The following EIF4ENIF1 variants were observed in gnomAD, a reference collection of about 807,000 sequenced individuals.
EIF4ENIF1 encodes eukaryotic translation initiation factor 4E transporter.
Under a neutral mutation model 110.5 loss-of-function variants are expected in EIF4ENIF1, and 23 were observed. The observed-to-expected ratio is 0.21, with a 90% confidence interval of 0.15 to 0.29. The LOEUF is 0.29. EIF4ENIF1 is among the 10% of genes least tolerant of loss of function. The probability of loss-of-function intolerance (pLI) is 1.00; values close to 1 mark genes in which losing one functional copy is unlikely to be tolerated. For synonymous variants in EIF4ENIF1, 440 were observed against 437.0 expected (o/e 1.01, Z -0.09); for missense variants, 1,031 against 1,221.1 (o/e 0.84, Z 2.32).
At chr22:31,485,383 G>A (rs2051979254) in intron 2 of EIF4ENIF1, among the ~76,000 whole-genome samples, 1 of 152,128 alleles carries the variant, frequency 6.6e-6, no homozygotes, top group Admixed American at 6.6e-5. Flanking sequence ...CTAAGAAAGA[G>A]AAATATCTCC....
chr22:31,491,546 AGAT>A (rs977904101), upstream of EIF4ENIF1, among the ~76,000 whole-genome samples: 27 of 152,196 alleles, frequency 1.8e-4, no homozygotes, highest in African/African-American at 6.3e-4. Flanking sequence ...AGGGAATTAA[AGAT>A]AACATTAAAA....
At position 31,463,648 on chromosome 22, in the gene EIF4ENIF1, AT is replaced by A. The variant is rs753654315; in HGVS notation, c.585+32del. On this transcript the variant is annotated intron_variant, in intron 5 of 18. Coordinates refer to ENST00000330125, the MANE Select transcript of EIF4ENIF1 (RefSeq NM_019843.4). ...GCAACAAGAGCGAAACTCCGTCTCA[AT>A]TTAAAAAAAAAAAAAAAAAAAAAAG... The A allele has an allele frequency of 8.0e-5, 111 of 1,393,224 alleles. No homozygotes were observed. In the African/African-American group the frequency reaches 1.7e-3, roughly 22 times the overall value. The allele number at this position is 1,393,224 out of a possible 1,614,324, so 86.3% of individuals were successfully genotyped here.
chr22:31,437,534 T>TA (rs2050190499), downstream of EIF4ENIF1, among the ~76,000 whole-genome samples: 1 of 148,348 alleles, frequency 6.7e-6, no homozygotes, highest in Non-Finnish European at 1.5e-5. Context: ...CTTCTGCTGA[T>TA]ACTCTTAGCA....
downstream of EIF4ENIF1, among the ~76,000 whole-genome samples, chr22:31,438,428 G>A (rs1168943648): frequency 6.6e-6 from 1 of 152,080 alleles, no homozygotes; most frequent in East Asian, 1.9e-4. Flanking sequence ...TGAGTCTTAA[G>A]GGAAATTCTT....
Position 31,439,949 on chromosome 22 carries a change from C to T in EIF4ENIF1, c.2889G>A (p.Val963=), listed in dbSNP as rs961903724. 1 of 1,614,182 alleles carries T rather than the reference C, an allele frequency of 6.2e-7. No individual in the cohort carries two copies. The highest frequency in any genetic ancestry group is 8.5e-7 in the Non-Finnish European group (1 of 1,180,034). The change falls in exon 19 of 19, where the codon GTG becomes GTA. Residue 963 remains valine, a synonymous_variant. Coordinates refer to ENST00000330125, the MANE Select transcript of EIF4ENIF1 (RefSeq NM_019843.4). ...GCATGGAGGGCAGGGGTTGCTGTAGCACATCTGAGCCAAACCATTTGGCAA... is the reference window on the plus strand; with the variant it reads ...GCATGGAGGGCAGGGGTTGCTGTAGTACATCTGAGCCAAACCATTTGGCAA... ...VGLAKWFGSD[V]LQQPLPSMPA...
chr22:31,448,799 C>T (rs919991830), intron 12 of EIF4ENIF1, among the ~76,000 whole-genome samples: 6 of 152,134 alleles, frequency 3.9e-5, no homozygotes, highest in Non-Finnish European at 7.3e-5. Context: ...TCAATAGCTT[C>T]ATAGATAACC....
rs1378800029 is a variant in EIF4ENIF1 at position 31,442,049 on chromosome 22, A to C, written c.2276T>G (p.Leu759Arg). The change falls in exon 17 of 19, where the codon CTG (leucine) becomes CGG (arginine). Residue 759 changes from leucine to arginine, a missense_variant. Leu to Arg is a moderately radical substitution (Grantham distance 102). Transcript: ENST00000330125. ...ACACGAAGACCTCTGTAATGCTGAC[A>C]GTTTGGAATTTGTAGTGGGAGAAGA... is the stretch of plus-strand genomic sequence containing the variant. ...RDSSPTTNSKLSALQRSSCST... is the reference protein window; with the variant it reads ...RDSSPTTNSKRSALQRSSCST... 2 of 1,614,052 alleles carry C rather than the reference A, an allele frequency of 1.2e-6. No individual in the cohort carries two copies. Among genetic ancestry groups the C allele is most frequent in the Non-Finnish European group, 1.7e-6 (2 of 1,180,048 alleles).
At chr22:31,481,362 A>G (rs1447892970) in intron 2 of EIF4ENIF1, among the ~76,000 whole-genome samples, 1 of 151,162 alleles carries the variant, frequency 6.6e-6, no homozygotes, top group Non-Finnish European at 1.5e-5. Context: ...GGGTCTCACT[A>G]TATTGCCCAG....
intron 2 of EIF4ENIF1, among the ~76,000 whole-genome samples, chr22:31,486,752 T>C (rs1026220385): frequency 2.0e-5 from 3 of 150,964 alleles, no homozygotes; most frequent in Admixed American, 6.6e-5. Context: ...ACTCTGGTGA[T>C]AGAGCGAGAC....
At chr22:31,455,103 A>C in intron 9 of EIF4ENIF1, 33 bp downstream of exon 9, 1 of 1,551,984 alleles carries the variant, frequency 6.4e-7, no homozygotes, top group Non-Finnish European at 8.7e-7. Context: ...AGACCTTTTC[A>C]GATATCTAAA....
intron 7 of EIF4ENIF1, among the ~76,000 whole-genome samples, chr22:31,457,054 T>C (rs2145960491): frequency 6.6e-6 from 1 of 152,306 alleles, no homozygotes; most frequent in African/African-American, 2.4e-5. Flanking sequence ...ATTATGAAAT[T>C]CAATCTTGAG....
chr22:31,450,908 T>A (rs1268893362), intron 10 of EIF4ENIF1: 1 of 149,742 alleles, frequency 6.7e-6, no homozygotes, highest in African/African-American at 2.6e-5. Flanking sequence ...AGAGACAGGG[T>A]CTTGTTCTGT....
At chr22:31,450,033 A>G (rs956254842) in intron 11 of EIF4ENIF1, among the ~76,000 whole-genome samples, 1 of 152,166 alleles carries the variant, frequency 6.6e-6, no homozygotes, top group South Asian at 2.1e-4. Context: ...GCCTGGCTAG[A>G]TACTTTTAAG....
At chr22:31,483,584 C>T (rs891657694) in intron 2 of EIF4ENIF1, among the ~76,000 whole-genome samples, 3 of 152,062 alleles carry the variant, frequency 2.0e-5, no homozygotes, top group Non-Finnish European at 2.9e-5. Flanking sequence ...TAAATGCAGA[C>T]GGTTAAGCTC....
intron 4 of EIF4ENIF1, among the ~76,000 whole-genome samples, chr22:31,465,259 G>A (rs935596948): frequency 2.0e-4 from 30 of 150,354 alleles, no homozygotes; most frequent in African/African-American, 7.4e-4. Flanking sequence ...GGAAGTGGAG[G>A]TTGCAGTGAG....
intron 10 of EIF4ENIF1, chr22:31,450,755 CATACATAT>C (rs1647490502): frequency 3.8e-6 from 1 of 261,550 alleles, no homozygotes; most frequent in African/African-American, 2.2e-5. Context: ...TATATACACA[CATACATAT>C]ATACATACAT....
chr22:31,472,270 A>ATTTTT lies in EIF4ENIF1; in HGVS notation c.97-358_97-354dup, dbSNP rs11404399. Among the ~76,000 whole-genome samples the ATTTTT allele has an allele frequency of 4.0e-3, 574 of 142,208 alleles. 2 individuals carry two copies. Among genetic ancestry groups the ATTTTT allele is most frequent in the African/African-American group, 0.014 (557 of 38,636 alleles). 93.3% of individuals were successfully genotyped at this position (142,208 alleles called of 152,430 possible). ...GCATTAGATGACAACTTACAAGGGG[A>ATTTTT]TTTTTTTTTTTTTTTTTACATGGAA... On this transcript the variant is annotated intron_variant, in intron 2 of 18. Transcript: ENST00000330125.
At chr22:31,481,669 T>G (rs1358797175) in intron 2 of EIF4ENIF1, among the ~76,000 whole-genome samples, 2 of 152,226 alleles carry the variant, frequency 1.3e-5, no homozygotes, top group African/African-American at 4.8e-5. Context: ...CTTCTGATTA[T>G]ATCCAAGAAG....
intron 5 of EIF4ENIF1, 99 bp downstream of exon 5, chr22:31,463,582 G>A (rs1234424287): frequency 1.7e-6 from 2 of 1,200,710 alleles, no homozygotes; most frequent in Non-Finnish European, 2.3e-6. Flanking sequence ...CTGGGCTGAG[G>A]CAGCAGTGAG....
Sources: allele counts gnomAD v4.1 joint callset (sites outside exome capture counted in the v4.1 genomes callset), GRCh38; gene constraint gnomAD v4.1.1; transcripts MANE v1.5; gene names NCBI Gene and HGNC (gene_info 2026-07-23, HGNC 2026-07-21).